The following DENND2C variants were observed in gnomAD, a reference collection of about 807,000 sequenced individuals.
DENND2C encodes the protein DENN domain-containing protein 2C.
DENND2C carries 72 observed loss-of-function variants against 112.4 expected under a neutral mutation model. The observed-to-expected ratio is 0.64, with a 90% CI of 0.53 to 0.78. The LOEUF (loss-of-function observed/expected upper bound fraction) is 0.78. DENND2C is among the 30% of genes least tolerant of loss of function. The pLI, the probability that DENND2C is intolerant of heterozygous loss-of-function variation, is 0.00. For synonymous variants in DENND2C, 329 were observed against 381.6 expected (o/e 0.86, Z 1.61); for missense variants, 992 against 1,113.8 (o/e 0.89, Z 1.56).
chr1:114,629,558 C>T (rs1656433730), intron 3 of DENND2C, among the ~76,000 whole-genome samples: 1 of 152,170 alleles, frequency 6.6e-6, no homozygotes, highest in Non-Finnish European at 1.5e-5. Context: ...GGATTACAAG[C>T]GTGAGCCACT....
At chr1:114,615,858 G>A (rs527586975) in intron 8 of DENND2C, among the ~76,000 whole-genome samples, 6 of 152,130 alleles carry the variant, frequency 3.9e-5, no homozygotes, top group African/African-American at 7.2e-5. Flanking sequence ...GGTGGATCAC[G>A]AGGTCAGAAG....
intron 1 of DENND2C, among the ~76,000 whole-genome samples, chr1:114,668,253 T>A (rs1443945281): frequency 6.6e-6 from 1 of 152,028 alleles, no homozygotes; most frequent in Non-Finnish European, 1.5e-5. Context: ...AAAAGACCCA[T>A]CCTCCACTGA....
At chr1:114,615,438 C>T (rs1194325482) in intron 8 of DENND2C, among the ~76,000 whole-genome samples, 1 of 152,194 alleles carries the variant, frequency 6.6e-6, no homozygotes, top group African/African-American at 2.4e-5. Flanking sequence ...TCTATGCTTC[C>T]TCCTCTGTCT....
chr1:114,600,858 T>G lies in DENND2C; in HGVS notation c.1918A>C (p.Ile640Leu), dbSNP rs762438086. ...EAPFPAPGRT[I>L]TVKSYLPGAG... ...CCAGGGAGGTAACTCTTAACTGTGATGGTGCGTCCAGGAGCTGGGAAAGGA... is the reference window on the plus strand; with the variant it reads ...CCAGGGAGGTAACTCTTAACTGTGAGGGTGCGTCCAGGAGCTGGGAAAGGA... The change falls in exon 14 of 21, where the codon ATC (isoleucine) becomes CTC (leucine). Residue 640 changes from isoleucine to leucine, a missense_variant. This residue lies in a region of DENND2C where 516 missense variants were observed against 623.6 expected (regional missense o/e 0.83). Coordinates refer to ENST00000393274, the MANE Select transcript of DENND2C (RefSeq NM_001256404.2). The G allele has an allele frequency of 6.2e-7, 1 of 1,614,080 alleles. No individual in the cohort carries two copies. The highest frequency in any genetic ancestry group is 1.7e-5 in the Admixed American group (1 of 60,012).
In DENND2C at chr1:114,625,163, T is replaced by C; in HGVS notation, c.806+16A>G. ...GAAAATACCTACAAGTCTTTATCTG[T>C]AGGATAAAAACATACCTTTTAGATC... On this transcript the variant is annotated intron_variant, in intron 4 of 20. Transcript: ENST00000393274. 6.4e-7 allele frequency: 1 copy of C among 1,573,996 alleles called. No individual in the cohort carries two copies. Among genetic ancestry groups the C allele is most frequent in the Non-Finnish European group, 8.6e-7 (1 of 1,164,024 alleles).
chr1:114,586,655 G>A (rs1655046839), intron 20 of DENND2C: 1 of 150,774 alleles, frequency 6.6e-6, no homozygotes, highest in Non-Finnish European at 1.5e-5. Flanking sequence ...TTGTGATGAG[G>A]CCCACTTACT....
intron 3 of DENND2C, among the ~76,000 whole-genome samples, chr1:114,629,604 A>G (rs751066878): frequency 6.6e-6 from 1 of 152,200 alleles, no homozygotes; most frequent in African/African-American, 2.4e-5. Context: ...AAGCATAATC[A>G]AACAGCATAC....
At chr1:114,651,305 A>ACGCG (rs1034714047) in intron 2 of DENND2C, among the ~76,000 whole-genome samples, 4 of 150,196 alleles carry the variant, frequency 2.7e-5, no homozygotes, top group African/African-American at 9.8e-5. Flanking sequence ...ACACACACAC[A>ACGCG]CGCCAAGTAT....
intron 3 of DENND2C, among the ~76,000 whole-genome samples, chr1:114,626,770 C>T (rs915540163): frequency 1.4e-4 from 21 of 151,934 alleles, no homozygotes; most frequent in Non-Finnish European, 3.1e-4. Context: ...CCTTGGCCTC[C>T]AAAAGTGCTG....
rs150571862 is a variant in DENND2C, at chr1:114,599,361, C to T, written c.2196G>A (p.Met732Ile). 3.1e-6 allele frequency: 5 copies of T among 1,614,072 alleles called. No homozygotes were observed. Among genetic ancestry groups the T allele is most frequent in the Non-Finnish European group, 2.5e-6 (3 of 1,180,012 alleles). ...HTYIPVLPAS[M>I]IDIVCSPTPF... ...GTGTAGGTGAGCACACGATGTCAAT[C>T]ATAGATGCTGGCAGGACTGGGATAT... is the stretch of plus-strand genomic sequence containing the variant. Residue 732 changes from methionine (M) to isoleucine (I), a missense_variant, in exon 16 of 21, where the codon ATG becomes ATA. Around this residue, in one of 3 missense-constraint regions of DENND2C, gnomAD observed 516 missense variants for 623.6 expected, o/e 0.83. Coordinates refer to ENST00000393274, the MANE Select transcript of DENND2C (RefSeq NM_001256404.2).
At chr1:114,667,774 G>T (rs573448308) in intron 1 of DENND2C, among the ~76,000 whole-genome samples, 241 of 152,154 alleles carry the variant, frequency 1.6e-3, no homozygotes, top group African/African-American at 5.3e-3. Context: ...GTTACAATCA[G>T]GTCCTTGGAG....
At chr1:114,637,178 G>C (rs1433230582) in intron 3 of DENND2C, among the ~76,000 whole-genome samples, 1 of 151,172 alleles carries the variant, frequency 6.6e-6, no homozygotes, top group Non-Finnish European at 1.5e-5. Flanking sequence ...ATGTTGCCCA[G>C]GCTGGTCTTG....
chr1:114,599,502 G>A lies in DENND2C; in HGVS notation c.2106-51C>T, dbSNP rs377079272. On this transcript the variant is annotated intron_variant, in intron 15 of 20. Coordinates refer to ENST00000393274, the MANE Select transcript of DENND2C (RefSeq NM_001256404.2). ...GTCATATATAGAGTAACATAAGGAGGACATTTCAGTTATTATGTTAAAGAA... is the reference window on the plus strand; with the variant it reads ...GTCATATATAGAGTAACATAAGGAGAACATTTCAGTTATTATGTTAAAGAA... The A allele has an allele frequency of 4.2e-6, 6 of 1,414,178 alleles. No individual in the cohort carries two copies. The African/African-American group carries it at 7.0e-5, about 17-fold the overall frequency. The allele number at this position is 1,414,178 out of a possible 1,614,324, so 87.6% of individuals were successfully genotyped here.
intron 11 of DENND2C, among the ~76,000 whole-genome samples, chr1:114,603,423 T>C (rs1319083993): frequency 1.3e-5 from 2 of 151,956 alleles, no homozygotes; most frequent in East Asian, 1.9e-4. Flanking sequence ...CCACAGCACC[T>C]GGCCAAGTCC....
At chr1:114,628,003 C>G (rs1202407351) in intron 3 of DENND2C, among the ~76,000 whole-genome samples, 3 of 151,900 alleles carry the variant, frequency 2.0e-5, no homozygotes, top group African/African-American at 7.3e-5. Flanking sequence ...AAAATTTTAA[C>G]TTGAAAATTA....
intron 3 of DENND2C, among the ~76,000 whole-genome samples, chr1:114,628,463 A>T (rs1392556058): frequency 6.6e-6 from 1 of 152,194 alleles, no homozygotes; most frequent in Non-Finnish European, 1.5e-5. Flanking sequence ...CTCCTAAAAT[A>T]TGTAGGTATT....
Position 114,585,598 on chromosome 1 carries a change from T to C in DENND2C, c.*2A>G. 6.2e-7 allele frequency: 1 copy of C among 1,613,902 alleles called. No individual in the cohort carries two copies. The stretch of plus-strand genomic sequence containing the variant: ...TATTCAGGATGGAGACAATCAGAGA[T>C]TTCATTTCTTTTGCAGAAATTTCAT... On this transcript the variant is annotated 3_prime_UTR_variant, in exon 21 of 21. Transcript: ENST00000393274.
intron 4 of DENND2C, among the ~76,000 whole-genome samples, chr1:114,624,152 T>C (rs773606372): frequency 3.9e-5 from 6 of 152,102 alleles, no homozygotes; most frequent in Non-Finnish European, 7.4e-5. Context: ...CATGAGAAAA[T>C]TGGATGCTTG....
At chr1:114,661,269 A>C (rs1053562753) in intron 1 of DENND2C, among the ~76,000 whole-genome samples, 1 of 152,226 alleles carries the variant, frequency 6.6e-6, no homozygotes, top group Non-Finnish European at 1.5e-5. Context: ...CAATAATGGT[A>C]AAGAATAGAG....
Sources: allele counts gnomAD v4.1 joint callset (sites outside exome capture counted in the v4.1 genomes callset), GRCh38; gene constraint gnomAD v4.1.1; regional missense constraint gnomAD v4.1.1; transcripts MANE v1.5; gene names NCBI Gene and HGNC (gene_info 2026-07-23, HGNC 2026-07-21).